Variants in GRAMD1B observed in about 807,000 individuals in gnomAD.
GRAMD1B encodes the protein GRAM domain containing 1B.
A neutral mutation model predicts 99.7 loss-of-function variants in GRAMD1B; 37 were observed. The observed-to-expected ratio is 0.37, with a 90% CI of 0.29 to 0.49. GRAMD1B has a LOEUF of 0.49. GRAMD1B is among the 20% of genes least tolerant of loss of function. The pLI, the probability that GRAMD1B is intolerant of heterozygous loss-of-function variation, is 0.98. For missense variants in GRAMD1B, 888 were observed against 1,009.2 expected (o/e 0.88, Z 1.63); for synonymous variants, 427 against 387.6 (o/e 1.10, Z -1.19).
Position 123,610,728 on chromosome 11 carries a change from C to G in GRAMD1B, c.1919+390C>G, listed in dbSNP as rs1459289912. On this transcript the variant is annotated intron_variant, in intron 14 of 19. Coordinates refer to ENST00000635736, the MANE Select transcript of GRAMD1B (RefSeq NM_001387025.1). This position sits in a 1 kb window ranked among gnomAD's most constrained non-coding sequence, Gnocchi z 4.1. Reference sequence around the variant, plus strand: ...CCAAGAGTCATGTCTTTAGTAAGCACTGAAACCCAGATCTTAGAGTTGTAA... The same window carrying G: ...CCAAGAGTCATGTCTTTAGTAAGCAGTGAAACCCAGATCTTAGAGTTGTAA... Among the ~76,000 whole-genome samples, 22 of 152,214 alleles carry G rather than the reference C, an allele frequency of 1.4e-4. No individual in the cohort carries two copies. Among genetic ancestry groups the G allele is most frequent in the Non-Finnish European group, 1.5e-5 (1 of 68,044 alleles).
chr11:123,479,690 A>G (rs576991224), intron 1 of GRAMD1B, among the ~76,000 whole-genome samples: 4 of 152,260 alleles, frequency 2.6e-5, no homozygotes, highest in Admixed American at 1.3e-4. Context: ...TTGTGGGCCT[A>G]TGGTGCCCAC....
intron 1 of GRAMD1B, among the ~76,000 whole-genome samples, chr11:123,432,987 A>G (rs1948971393): frequency 6.6e-6 from 1 of 152,112 alleles, no homozygotes; most frequent in African/African-American, 2.4e-5. Context: ...TCTGTTTGGT[A>G]CTTCATCCTG....
At chr11:123,361,864 A>G (rs1424806019) in intron 1 of GRAMD1B, among the ~76,000 whole-genome samples, 1 of 152,218 alleles carries the variant, frequency 6.6e-6, no homozygotes, top group Non-Finnish European at 1.5e-5. Flanking sequence ...GCAGAGAAAG[A>G]GAAAGAGAGA....
intron 7 of GRAMD1B, among the ~76,000 whole-genome samples, chr11:123,597,432 T>C (rs7104389): frequency 0.32 from 48,984 of 151,844 alleles, 8,127 homozygotes; most frequent in East Asian, 0.49. Context: ...CAAACCTTGG[T>C]GCCACACTTA....
At chr11:123,452,171 G>A (rs987885315) in intron 1 of GRAMD1B, among the ~76,000 whole-genome samples, 8 of 152,164 alleles carry the variant, frequency 5.3e-5, no homozygotes, top group African/African-American at 1.7e-4. Context: ...TAGGCAGTCA[G>A]TGCAAGTAAT....
chr11:123,613,808 A>G (rs974129643), intron 16 of GRAMD1B, 150 bp downstream of exon 16: 8 of 635,520 alleles, frequency 1.3e-5, no homozygotes, highest in African/African-American at 9.2e-5. Flanking sequence ...GAGGCTCCCA[A>G]TGCTCTGTTT....
chr11:123,461,967 CTTT>C (rs756413526), intron 1 of GRAMD1B, among the ~76,000 whole-genome samples: 4 of 122,300 alleles, frequency 3.3e-5, no homozygotes, highest in Non-Finnish European at 3.5e-5. Flanking sequence ...TTGTTTATTT[CTTT>C]TTTTTTTTTT....
intron 1 of GRAMD1B, among the ~76,000 whole-genome samples, chr11:123,471,157 A>G (rs1307382000): frequency 3.3e-5 from 5 of 152,144 alleles, no homozygotes; most frequent in Non-Finnish European, 4.4e-5. Context: ...TTAACCTCAT[A>G]TGGGCCCAGG....
intron 2 of GRAMD1B, among the ~76,000 whole-genome samples, chr11:123,528,377 G>C (rs1171239664): frequency 6.6e-6 from 1 of 152,168 alleles, no homozygotes; most frequent in Non-Finnish European, 1.5e-5. Flanking sequence ...TGCCTACTAT[G>C]GGTTGGTGAT....
intron 1 of GRAMD1B, among the ~76,000 whole-genome samples, chr11:123,368,274 A>AG (rs1191708852): frequency 6.2e-5 from 9 of 145,018 alleles, no homozygotes; most frequent in East Asian, 1.9e-4. Context: ...AAAAAAAAAA[A>AG]AAAAGAAAGA....
chr11:123,546,416 A>G (rs1273973530), intron 2 of GRAMD1B, among the ~76,000 whole-genome samples: 1 of 152,206 alleles, frequency 6.6e-6, no homozygotes, highest in African/African-American at 2.4e-5. Flanking sequence ...CATGTCTAGT[A>G]TTCAGCTCAA....
chr11:123,509,329 T>C (rs1389302229), intron 2 of GRAMD1B, among the ~76,000 whole-genome samples: 1 of 152,164 alleles, frequency 6.6e-6, no homozygotes, highest in African/African-American at 2.4e-5. Context: ...TAACAGAAGA[T>C]AGGTTAGCAT....
intron 1 of GRAMD1B, among the ~76,000 whole-genome samples, chr11:123,404,865 G>A (rs900800667): frequency 7.2e-5 from 11 of 152,212 alleles, no homozygotes; most frequent in Non-Finnish European, 4.4e-5. Flanking sequence ...GCCAACCTTA[G>A]AAATTCCGCC....
chr11:123,388,229 T>C (rs957817989), intron 1 of GRAMD1B, among the ~76,000 whole-genome samples: 5 of 151,578 alleles, frequency 3.3e-5, no homozygotes, highest in African/African-American at 1.2e-4. Flanking sequence ...CTTAGTGCTA[T>C]GATTTAAATG....
At chr11:123,474,849 A>G (rs1951188830) in intron 1 of GRAMD1B, among the ~76,000 whole-genome samples, 1 of 152,242 alleles carries the variant, frequency 6.6e-6, no homozygotes, top group Admixed American at 6.5e-5. Flanking sequence ...AAAGAGATGC[A>G]GTACATTAGT....
At chr11:123,361,746 T>C (rs1183652584) in intron 1 of GRAMD1B, among the ~76,000 whole-genome samples, 1 of 152,228 alleles carries the variant, frequency 6.6e-6, no homozygotes, top group Non-Finnish European at 1.5e-5. Flanking sequence ...ACTTCCAAGG[T>C]GTACTCCAGT....
chr11:123,526,367 C>T (rs528921276), intron 2 of GRAMD1B, among the ~76,000 whole-genome samples: 54 of 152,222 alleles, frequency 3.5e-4, no homozygotes, highest in African/African-American at 1.1e-3. Context: ...GCACTATTTT[C>T]CTTACCTTCT....
intron 1 of GRAMD1B, among the ~76,000 whole-genome samples, chr11:123,408,015 T>G (rs949785816): frequency 3.5e-4 from 54 of 152,172 alleles, no homozygotes; most frequent in African/African-American, 1.2e-3. Flanking sequence ...TCTTGACACT[T>G]TCAAACGAGA....
Position 123,606,750 on chromosome 11 carries a change from G to C in GRAMD1B, c.1465G>C (p.Glu489Gln). 6.2e-7 allele frequency: 1 copy of C among 1,613,892 alleles called. No individual in the cohort carries two copies. Among genetic ancestry groups the C allele is most frequent in the Non-Finnish European group, 8.5e-7 (1 of 1,179,848 alleles). ...NSPSLDFNDN[E>Q]DIPTELSDSS... ...CCCTTCACTGGACTTCAATGACAAT[G>C]AGGACATCCCCACTGAGCTCAGTGA... The change falls in exon 11 of 20, where the codon GAG (glutamate) becomes CAG (glutamine). Residue 489 changes from glutamate to glutamine, a missense_variant. Glu to Gln is a conservative substitution (Grantham distance 29). Coordinates refer to ENST00000635736, the MANE Select transcript of GRAMD1B (RefSeq NM_001387025.1).
Sources: allele counts gnomAD v4.1 joint callset (sites outside exome capture counted in the v4.1 genomes callset), GRCh38; gene constraint gnomAD v4.1.1; non-coding constraint Gnocchi (gnomAD v3.1); transcripts MANE v1.5; gene names NCBI Gene and HGNC (gene_info 2026-07-23, HGNC 2026-07-21).